The following LGI3 variants were observed in gnomAD, a reference collection of about 807,000 sequenced individuals.
LGI3 encodes the protein leucine-rich repeat LGI family member 3.
LGI3 carries 47 observed loss-of-function variants against 55.4 expected under a neutral mutation model. The ratio of observed to expected loss-of-function variants is 0.85; its 90% CI spans 0.67 to 1.08. The LOEUF (loss-of-function observed/expected upper bound fraction) is 1.08, where lower values mean the gene tolerates loss of function less well. LGI3 is among the 50% of genes least tolerant of loss of function. LGI3 has a pLI of 0.00. For synonymous variants in LGI3, 326 were observed against 315.0 expected (o/e 1.04, Z -0.37); for missense variants, 664 against 726.3 (o/e 0.91, Z 0.99).
chr8:22,150,522 C>T (rs1368245213), intron 7 of LGI3, among the ~76,000 whole-genome samples: 1 of 151,976 alleles, frequency 6.6e-6, no homozygotes, highest in Non-Finnish European at 1.5e-5. Context: ...CCACGCCCAG[C>T]TAATTTTTTG....
rs763244062 is a variant in LGI3 at position 22,148,486 on chromosome 8, G to A, written c.1321C>T (p.Arg441Cys). ...AGRDSYLCLSRYIGDSKILRW... is the reference protein window; with the variant it reads ...AGRDSYLCLSCYIGDSKILRW... ...AGGATCTTGGAGTCGCCAATGTAGC[G>A]GCTGAGGCACAGGTAGCTGTCGCGG... The change falls in exon 8 of 8, where the codon CGC (arginine) becomes TGC (cysteine). Residue 441 changes from arginine to cysteine, a missense_variant. Coordinates refer to ENST00000306317, the MANE Select transcript of LGI3 (RefSeq NM_139278.4). This position sits in a 1 kb window ranked among gnomAD's most constrained non-coding sequence, Gnocchi z 7.0. 4.0e-5 allele frequency: 65 copies of A among 1,612,898 alleles called. No individual in the cohort carries two copies. The highest frequency in any genetic ancestry group is 6.6e-5 in the South Asian group (6 of 91,054).
At chr8:22,152,087 T>G in intron 5 of LGI3, 87 bp from the exon 6 acceptor site, 1 of 1,128,732 alleles carries the variant, frequency 8.9e-7, no homozygotes, top group Non-Finnish European at 1.3e-6. Context: ...TTTTCAGAAA[T>G]AGAGCTGGTC....
chr8:22,149,511 C>T (rs1233410563), intron 7 of LGI3, among the ~76,000 whole-genome samples: 1 of 152,190 alleles, frequency 6.6e-6, no homozygotes, highest in African/African-American at 2.4e-5. Context: ...CTTAGGTATA[C>T]CCAAGACACC....
chr8:22,151,943 C>G lies in LGI3; in HGVS notation c.552G>C (p.Trp184Cys). ...CDCKVKWLVE[W>C]LAHTNTTVAP... Reference sequence around the variant, plus strand: ...CCACCGTGGTGTTGGTGTGTGCCAGCCACTCCACCAACCACTTCACCTTGC... The same window carrying G: ...CCACCGTGGTGTTGGTGTGTGCCAGGCACTCCACCAACCACTTCACCTTGC... Residue 184 changes from tryptophan (W) to cysteine (C), a missense_variant, in exon 6 of 8, where the codon TGG (tryptophan) becomes TGC (cysteine). Transcript: ENST00000306317. 3.1e-6 allele frequency: 5 copies of G among 1,613,028 alleles called. No homozygotes were observed. Among genetic ancestry groups the G allele is most frequent in the Non-Finnish European group, 4.2e-6 (5 of 1,179,574 alleles).
rs1554473366 is a variant in LGI3 at position 22,147,484 on chromosome 8, G to GACTGATAA, written c.*675_*676insTTATCAGT. The GACTGATAA allele has an allele frequency of 1.0e-4, 16 of 152,486 alleles. No individual in the cohort carries two copies. Among genetic ancestry groups the GACTGATAA allele is most frequent in the Non-Finnish European group, 1.6e-4 (11 of 68,418 alleles). 9.4% of individuals were successfully genotyped at this position (152,486 alleles called of 1,614,324 possible). A position where few individuals can be genotyped will look rare whatever the true frequency, so the allele number is the denominator to read the frequency against. On this transcript the variant is annotated 3_prime_UTR_variant, in exon 8 of 8. Coordinates refer to ENST00000306317, the MANE Select transcript of LGI3 (RefSeq NM_139278.4). The stretch of plus-strand genomic sequence containing the variant: ...TTCTCATCCTTATCAGTTCCGGGGG[G>GACTGATAA]GGCACGCTGGGGGTGAGCAGAGGGG...
At chr8:22,153,702 G>A (rs558489942) in intron 5 of LGI3, among the ~76,000 whole-genome samples, 7 of 140,106 alleles carry the variant, frequency 5.0e-5, no homozygotes, top group South Asian at 2.2e-4. Flanking sequence ...GTGAGACTCC[G>A]TCTATAATTA....
chr8:22,153,328 G>A (rs560512766), intron 5 of LGI3, among the ~76,000 whole-genome samples: 14 of 151,156 alleles, frequency 9.3e-5, no homozygotes, highest in East Asian at 6.1e-4. Context: ...CAGGTGATTC[G>A]CCCTCCTTGG....
chr8:22,147,842 G>A lies in LGI3; in HGVS notation c.*318C>T. The A allele has an allele frequency of 3.3e-6, 1 of 305,414 alleles. No homozygotes were observed. 18.9% of individuals were successfully genotyped at this position (305,414 alleles called of 1,614,324 possible). ...GAGGATGCGGCCCCCCTCGCTCCCA[G>A]CACCCCGCACCACTCGTGCATGAGA... On this transcript the variant is annotated 3_prime_UTR_variant, in exon 8 of 8. Coordinates refer to ENST00000306317, the MANE Select transcript of LGI3 (RefSeq NM_139278.4).
At chr8:22,152,649 G>A (rs1827394381) in intron 5 of LGI3, among the ~76,000 whole-genome samples, 1 of 151,094 alleles carries the variant, frequency 6.6e-6, no homozygotes, top group Non-Finnish European at 1.5e-5. Context: ...GCTTAGGCAG[G>A]AGAATCGCTT....
chr8:22,151,860 G>A lies in LGI3; in HGVS notation c.635C>T (p.Pro212Leu), dbSNP rs760988110. 4.3e-5 allele frequency: 70 copies of A among 1,612,054 alleles called. No homozygotes were observed. Among genetic ancestry groups the A allele is most frequent in the South Asian group, 2.0e-4 (18 of 90,888 alleles). ...GGTGATGCAATCGAACTCCCGCAGC[G>A]GCAGGTCCTGCACCTTGTGCTCCTG... ...RFQEHKVQDL[P>L]LREFDCITTD... is the part of the protein sequence containing the mutation. Residue 212 changes from proline to leucine, a missense_variant, in exon 6 of 8, where the codon CCG (proline) becomes CTG (leucine). Physicochemically the swap from Pro to Leu is moderately conservative, Grantham distance 98 (BLOSUM62 -3). Coordinates refer to ENST00000306317, the MANE Select transcript of LGI3 (RefSeq NM_139278.4).
At position 22,154,046 on chromosome 8, in the gene LGI3, A is replaced by G; in HGVS notation, c.423-7T>C. On this transcript the variant is annotated splice_polypyrimidine_tract_variant and splice_region_variant and intron_variant, in intron 4 of 7. Coordinates refer to ENST00000306317, the MANE Select transcript of LGI3 (RefSeq NM_139278.4). ...GTTATTGTTGGCCAGCGAGCTGCAA[A>G]AGAGACCGCCAGGTCATCTGAAGAT... 1.2e-6 allele frequency: 2 copies of G among 1,614,148 alleles called. No individual in the cohort carries two copies. The highest frequency in any genetic ancestry group is 1.7e-6 in the Non-Finnish European group (2 of 1,180,018).
intron 3 of LGI3, 65 bp from the exon 4 acceptor site, chr8:22,154,278 C>A: frequency 7.6e-7 from 1 of 1,319,708 alleles, no homozygotes; most frequent in Non-Finnish European, 1.1e-6. Flanking sequence ...AGCACTCGCC[C>A]TACGCCCCAG....
intron 7 of LGI3, among the ~76,000 whole-genome samples, chr8:22,151,276 C>T (rs1827373820): frequency 6.6e-6 from 1 of 152,168 alleles, no homozygotes; most frequent in Non-Finnish European, 1.5e-5. Context: ...GCTGCTAGAG[C>T]ATCATGTTCA....
chr8:22,156,294 T>A, intron 1 of LGI3, 43 bp downstream of exon 1: 1 of 1,601,368 alleles, frequency 6.2e-7, no homozygotes, highest in African/African-American at 1.3e-5. Flanking sequence ...GTCCTCGGCC[T>A]CCTCTCCCTC....
In LGI3 at chr8:22,151,914, G is replaced by T. The variant is rs749523436; in HGVS notation, c.581C>A (p.Pro194His). The change falls in exon 6 of 8, where the codon CCC becomes CAC. Residue 194 changes from proline (P) to histidine (H), a missense_variant. By Grantham distance (77) the Pro-to-His change is moderately conservative. Coordinates refer to ENST00000306317, the MANE Select transcript of LGI3 (RefSeq NM_139278.4). ...GCGGGGCGGGCTGGCGCAGTAGATG[G>T]GTGCCACCGTGGTGTTGGTGTGTGC... ...WLAHTNTTVA[P>H]IYCASPPRFQ... is the part of the protein sequence containing the mutation. 1.4e-5 allele frequency: 22 copies of T among 1,613,166 alleles called. No homozygotes were observed. Among genetic ancestry groups the T allele is most frequent in the Non-Finnish European group, 1.9e-5 (22 of 1,179,964 alleles).
At chr8:22,156,187 G>T in intron 1 of LGI3, 150 bp downstream of exon 1, 3 of 784,292 alleles carry the variant, frequency 3.8e-6, no homozygotes. Flanking sequence ...TGCCCGACTG[G>T]TGCCTGGAAT....
rs1291222592 is a variant in LGI3 at position 22,155,377 on chromosome 8, AG to A, written c.278+14del. ...CCATAGTTCCCCCAACCCTTCCACA[AG>A]GCCCTATCCATACAAGAACTGCAGC... is the stretch of plus-strand genomic sequence containing the variant. On this transcript the variant is annotated intron_variant, in intron 2 of 7. Coordinates refer to ENST00000306317, the MANE Select transcript of LGI3 (RefSeq NM_139278.4). The A allele has an allele frequency of 6.2e-7, 1 of 1,612,950 alleles. No individual in the cohort carries two copies. The highest frequency in any genetic ancestry group is 1.1e-5 in the South Asian group (1 of 91,010).
rs1827385650 is a variant in LGI3, at chr8:22,151,979, G to C, written c.516C>G (p.Leu172=). The C allele has an allele frequency of 1.2e-6, 2 of 1,606,712 alleles. No homozygotes were observed. Among genetic ancestry groups the C allele is most frequent in the African/African-American group, 2.7e-5 (2 of 74,806 alleles). The part of the protein sequence containing the change: ...LNDLDLRGNS[L]NCDCKVKWLV... ...ACCACTTCACCTTGCAGTCACAGTTGAGTGAGTTGCCCCGCAGGTCCCTGC... is the reference window on the plus strand; with the variant it reads ...ACCACTTCACCTTGCAGTCACAGTTCAGTGAGTTGCCCCGCAGGTCCCTGC... The change falls in exon 6 of 8, where the codon CTC becomes CTG. Residue 172 remains leucine (L), a synonymous_variant. Coordinates refer to ENST00000306317, the MANE Select transcript of LGI3 (RefSeq NM_139278.4).
In LGI3 at chr8:22,154,601, A is replaced by C. The variant is rs960031844; in HGVS notation, c.309T>G (p.Ile103Met). The C allele has an allele frequency of 6.2e-7, 1 of 1,613,870 alleles. No homozygotes were observed. The highest frequency in any genetic ancestry group is 1.3e-5 in the African/African-American group (1 of 74,902). ...ACAGTCCTGTGAAGGCGTTGTCTCC[A>C]ATCAGTGTAAACTTGTTGGAGTTGA... ...LLLNSNKFTL[I>M]GDNAFTGLSH... Residue 103 changes from isoleucine to methionine, a missense_variant, in exon 3 of 8, where the codon ATT becomes ATG. Transcript: ENST00000306317.
Sources: allele counts gnomAD v4.1 joint callset (sites outside exome capture counted in the v4.1 genomes callset), GRCh38; gene constraint gnomAD v4.1.1; non-coding constraint Gnocchi (gnomAD v3.1); transcripts MANE v1.5; gene names NCBI Gene and HGNC (gene_info 2026-07-23, HGNC 2026-07-21).